ARFGAP3: variants seen among roughly 807,000 people sequenced by gnomAD.
ARFGAP3 encodes ADP-ribosylation factor GTPase-activating protein 3.
Under a neutral mutation model 75.0 loss-of-function variants are expected in ARFGAP3, and 72 were observed. The ratio of observed to expected loss-of-function variants is 0.96; its 90% confidence interval spans 0.79 to 1.17. The LOEUF is 1.17. Ranked by LOEUF, ARFGAP3 falls within the 50% of genes most tolerant of loss-of-function variation. The pLI is 0.00. For missense variants in ARFGAP3, 620 were observed against 626.6 expected (o/e 0.99, Z 0.11); for synonymous variants, 221 against 217.9 (o/e 1.01, Z -0.13).
At position 42,809,936 on chromosome 22, in the gene ARFGAP3, GGAGCTTGCAGTGAGCT is replaced by G. The variant is rs543579103; in HGVS notation, c.1196+861_1196+876del. ...GGAGAATGGTGTGAACCCAGGAGGC[GGAGCTTGCAGTGAGCT>G]GAGATTGCACCACTGCACTCCAGCC... is the stretch of plus-strand genomic sequence containing the variant. On this transcript the variant is annotated intron_variant, in intron 12 of 15. Transcript: ENST00000263245. Among the ~76,000 whole-genome samples the G allele has an allele frequency of 4.9e-3, 746 of 150,820 alleles. 4 individuals carry two copies. Among genetic ancestry groups the G allele is most frequent in the African/African-American group, 0.017 (712 of 40,990 alleles).
chr22:42,857,273 C>CG (rs1242540315), upstream of ARFGAP3: 4 of 1,456,902 alleles, frequency 2.7e-6, no homozygotes, highest in Admixed American at 2.5e-5. Context: ...GACGAGGCCG[C>CG]GGGGGCGGGG....
chr22:42,826,808 T>A, intron 7 of ARFGAP3, 132 bp downstream of exon 7: 2 of 600,918 alleles, frequency 3.3e-6, no homozygotes. Flanking sequence ...TTTAATAAAA[T>A]CTTATTAACA....
chr22:42,829,968 T>C (rs1393656962), intron 6 of ARFGAP3, among the ~76,000 whole-genome samples: 1 of 152,248 alleles, frequency 6.6e-6, no homozygotes, highest in Non-Finnish European at 1.5e-5. Flanking sequence ...CATTGTTACC[T>C]AGGATATGCA....
intron 9 of ARFGAP3, 78 bp downstream of exon 9, chr22:42,822,192 A>C: frequency 1.7e-6 from 2 of 1,209,740 alleles, no homozygotes; most frequent in South Asian, 1.4e-5. Flanking sequence ...ACAAAAATAC[A>C]TGGCATTTGG....
At chr22:42,822,912 C>T (rs1005845445) in intron 8 of ARFGAP3, among the ~76,000 whole-genome samples, 1 of 151,994 alleles carries the variant, frequency 6.6e-6, no homozygotes, top group African/African-American at 2.4e-5. Context: ...TGGGGTAAAG[C>T]GATCCTCCCA....
At chr22:42,827,881 C>T (rs377642221) in intron 6 of ARFGAP3, among the ~76,000 whole-genome samples, 1 of 151,840 alleles carries the variant, frequency 6.6e-6, no homozygotes, top group Non-Finnish European at 1.5e-5. Flanking sequence ...CTCAGGAGTT[C>T]GAGACCTCCC....
chr22:42,801,273 G>C (rs1442283696), intron 14 of ARFGAP3, among the ~76,000 whole-genome samples: 1 of 152,190 alleles, frequency 6.6e-6, no homozygotes, highest in African/African-American at 2.4e-5. Context: ...TTCTGCTTGG[G>C]CAGCCAGGAA....
chr22:42,797,160 G>A lies in ARFGAP3; in HGVS notation c.*428C>T. 6.0e-6 allele frequency: 1 copy of A among 166,084 alleles called. No homozygotes were observed. Among genetic ancestry groups the A allele is most frequent in the Non-Finnish European group, 1.3e-5 (1 of 77,486 alleles). 10.3% of individuals were successfully genotyped at this position (166,084 alleles called of 1,614,324 possible). ...ACTTTTGGTCTTTTGAAGGAAGTGT[G>A]TGTGGTGAGTGTTGTTTCTGCAGGC... On this transcript the variant is annotated 3_prime_UTR_variant, in exon 16 of 16. Transcript: ENST00000263245.
intron 2 of ARFGAP3, among the ~76,000 whole-genome samples, chr22:42,845,023 G>A (rs1055834342): frequency 1.3e-5 from 2 of 152,106 alleles, no homozygotes; most frequent in African/African-American, 2.4e-5. Flanking sequence ...AAAACCACCC[G>A]ATTTCCTGGA....
At chr22:42,852,867 C>T (rs947999579) in intron 1 of ARFGAP3, among the ~76,000 whole-genome samples, 4 of 152,122 alleles carry the variant, frequency 2.6e-5, no homozygotes, top group African/African-American at 7.2e-5. Flanking sequence ...TGGATTCAAG[C>T]GATTCTCCTG....
At chr22:42,832,913 A>G (rs1189709691) in intron 5 of ARFGAP3, among the ~76,000 whole-genome samples, 1 of 150,960 alleles carries the variant, frequency 6.6e-6, no homozygotes, top group African/African-American at 2.4e-5. Context: ...TGAACCCGGG[A>G]GGTGGATGTT....
chr22:42,847,226 G>A (rs940461126), intron 2 of ARFGAP3: 7 of 251,772 alleles, frequency 2.8e-5, no homozygotes, highest in South Asian at 1.3e-4. Context: ...GGAATGCAGC[G>A]GCAAGATCAT....
In ARFGAP3 at chr22:42,857,159, G is replaced by A; in HGVS notation, c.24C>T (p.Asp8=). MGDPSKQ[D]ILTIFKRLRS... ...GGAGGCGCTTGAAGATGGTCAAGATGTCCTGCTTGCTGGGGTCCCCCATCG... is the reference window on the plus strand; with the variant it reads ...GGAGGCGCTTGAAGATGGTCAAGATATCCTGCTTGCTGGGGTCCCCCATCG... The change falls in exon 1 of 16, where the codon GAC becomes GAT. Residue 8 remains aspartate, a synonymous_variant. Transcript: ENST00000263245. The A allele has an allele frequency of 6.6e-7, 1 of 1,517,180 alleles. No individual in the cohort carries two copies. The highest frequency in any genetic ancestry group is 8.8e-7 in the Non-Finnish European group (1 of 1,130,338). The allele number at this position is 1,517,180 out of a possible 1,614,324, so 94.0% of individuals were successfully genotyped here.
intron 14 of ARFGAP3, among the ~76,000 whole-genome samples, chr22:42,803,239 A>G (rs1369878221): frequency 1.3e-5 from 2 of 152,192 alleles, no homozygotes; most frequent in African/African-American, 4.8e-5. Context: ...TCCTGGGGCC[A>G]CTGCACAGCT....
At chr22:42,816,303 C>T (rs975641063) in intron 11 of ARFGAP3, among the ~76,000 whole-genome samples, 6 of 152,190 alleles carry the variant, frequency 3.9e-5, no homozygotes, top group African/African-American at 1.4e-4. Context: ...CCCTAATTTA[C>T]AGATGAGGAA....
chr22:42,837,703 G>A (rs1361494108), intron 3 of ARFGAP3, among the ~76,000 whole-genome samples: 3 of 62,372 alleles, frequency 4.8e-5, no homozygotes, highest in African/African-American at 1.0e-4. Context: ...TTTTTGAGAC[G>A]GTCTTGCTTG....
chr22:42,814,220 T>C (rs981207493), intron 11 of ARFGAP3, among the ~76,000 whole-genome samples: 10 of 152,356 alleles, frequency 6.6e-5, no homozygotes, highest in Middle Eastern at 3.4e-3. Context: ...ATTCATAATG[T>C]TCAAGTTCTA....
At chr22:42,845,281 T>G (rs1448186353) in intron 2 of ARFGAP3, among the ~76,000 whole-genome samples, 1 of 149,052 alleles carries the variant, frequency 6.7e-6, no homozygotes, top group Non-Finnish European at 1.5e-5. Flanking sequence ...TCCCAGCACT[T>G]TGGGAGGCCG....
intron 9 of ARFGAP3, among the ~76,000 whole-genome samples, chr22:42,819,687 T>A (rs1925729275): frequency 6.6e-6 from 1 of 152,150 alleles, no homozygotes; most frequent in Non-Finnish European, 1.5e-5. Context: ...GAGACCAGGA[T>A]GCTGCATGGG....
Sources: allele counts gnomAD v4.1 joint callset (sites outside exome capture counted in the v4.1 genomes callset), GRCh38; gene constraint gnomAD v4.1.1; transcripts MANE v1.5; gene names NCBI Gene and HGNC (gene_info 2026-07-23, HGNC 2026-07-21).